SPICE1: variants seen among roughly 807,000 people sequenced by gnomAD.
The protein encoded by SPICE1 is spindle and centriole-associated protein 1.
In SPICE1, 75 loss-of-function variants were observed where a neutral mutation model predicts 102.7. The observed-to-expected ratio is 0.73, with a 90% confidence interval of 0.61 to 0.88. The LOEUF is 0.88. Ranked by LOEUF, SPICE1 falls within the 40% of genes least tolerant of loss-of-function variation. The pLI, the probability that SPICE1 is intolerant of heterozygous loss-of-function variation, is 0.00. For synonymous variants in SPICE1, 308 were observed against 350.3 expected (o/e 0.88, Z 1.35); for missense variants, 979 against 1,020.1 (o/e 0.96, Z 0.55).
chr3:113,491,810 A>T (rs1325267439), intron 6 of SPICE1, among the ~76,000 whole-genome samples: 2 of 152,020 alleles, frequency 1.3e-5, no homozygotes, highest in African/African-American at 4.8e-5. Flanking sequence ...CTGTAAATTG[A>T]GAAAGTACTT....
At chr3:113,463,822 A>G (rs1360210842) in intron 11 of SPICE1, among the ~76,000 whole-genome samples, 5 of 152,228 alleles carry the variant, frequency 3.3e-5, no homozygotes, top group African/African-American at 1.2e-4. Context: ...TAATCCCAAC[A>G]CTTTGGGAGG....
chr3:113,474,529 A>T (rs1157150014), intron 7 of SPICE1, among the ~76,000 whole-genome samples: 1 of 152,056 alleles, frequency 6.6e-6, no homozygotes, highest in Non-Finnish European at 1.5e-5. Context: ...ATTGACCACA[A>T]ACTTGGAAGT....
intron 7 of SPICE1, among the ~76,000 whole-genome samples, chr3:113,473,693 A>G (rs1349809158): frequency 2.6e-5 from 4 of 151,892 alleles, no homozygotes; most frequent in Middle Eastern, 3.4e-3. Flanking sequence ...ACTAAGCTTC[A>G]TAAGTGAAGG....
At chr3:113,455,520 G>A (rs1935760147) in intron 13 of SPICE1, among the ~76,000 whole-genome samples, 2 of 152,180 alleles carry the variant, frequency 1.3e-5, no homozygotes, top group Non-Finnish European at 2.9e-5. Flanking sequence ...GCAGCCAGTG[G>A]CCACCATTCT....
chr3:113,503,017 G>C (rs748889897), intron 3 of SPICE1, among the ~76,000 whole-genome samples, 163 bp downstream of exon 3: 11 of 152,122 alleles, frequency 7.2e-5, no homozygotes, highest in Non-Finnish European at 1.6e-4. Flanking sequence ...GCTCAAATCA[G>C]GAAGTCCAGA....
chr3:113,483,387 T>C (rs931293896), intron 7 of SPICE1, among the ~76,000 whole-genome samples: 2 of 152,232 alleles, frequency 1.3e-5, no homozygotes, highest in South Asian at 2.1e-4. Flanking sequence ...CCTACTTGAA[T>C]GCCCTTTATT....
intron 17 of SPICE1, 89 bp downstream of exon 17, chr3:113,446,500 G>A (rs1254458364): frequency 3.3e-5 from 31 of 943,646 alleles, no homozygotes; most frequent in Non-Finnish European, 4.9e-5. Flanking sequence ...TAGGATAACA[G>A]GAATGATAAT....
At chr3:113,446,518 G>A in intron 17 of SPICE1, 71 bp downstream of exon 17, 1 of 1,050,196 alleles carries the variant, frequency 9.5e-7, no homozygotes, top group Non-Finnish European at 1.5e-6. Context: ...AATTAAGAAT[G>A]GAAATCACTA....
chr3:113,466,742 G>A (rs1278494665), intron 10 of SPICE1, among the ~76,000 whole-genome samples: 2 of 152,132 alleles, frequency 1.3e-5, no homozygotes, highest in African/African-American at 2.4e-5. Context: ...CAATGAATCT[G>A]TCATTAAAAA....
chr3:113,477,102 A>G (rs1240408269), intron 7 of SPICE1, among the ~76,000 whole-genome samples: 2 of 151,994 alleles, frequency 1.3e-5, no homozygotes, highest in African/African-American at 4.8e-5. Flanking sequence ...AAAACAAACA[A>G]CCCCATCAAA....
chr3:113,445,377 C>T lies in SPICE1; in HGVS notation c.2515-17G>A, dbSNP rs202142813. 54 of 1,610,172 alleles carry T rather than the reference C, an allele frequency of 3.4e-5. 1 individual carries two copies. Among genetic ancestry groups the T allele is most frequent in the Admixed American group, 1.8e-4 (11 of 59,738 alleles). ...TTTCTCAATCTGTTGAACAAAGACA[C>T]GGAAAAAATTTAGATGGTAATTAGA... On this transcript the variant is annotated splice_polypyrimidine_tract_variant and intron_variant, in intron 17 of 17. Coordinates refer to ENST00000295872, the MANE Select transcript of SPICE1 (RefSeq NM_144718.4).
chr3:113,502,382 T>C (rs1937025168), intron 3 of SPICE1, among the ~76,000 whole-genome samples: 1 of 152,058 alleles, frequency 6.6e-6, no homozygotes, highest in Non-Finnish European at 1.5e-5. Flanking sequence ...ACAAAGAAGC[T>C]AGACACAAAA....
intron 2 of SPICE1, among the ~76,000 whole-genome samples, chr3:113,504,571 C>CAAAAAAAAAAAAAAAAAAAAAAAAAA (rs71633321): frequency 1.5e-5 from 1 of 67,856 alleles, no homozygotes; most frequent in Non-Finnish European, 2.9e-5. Context: ...GACCTTGTCT[C>CAAAAAAAAAAAAAAAAAAAAAAAAAA]AAAAAAAAAA....
intron 1 of SPICE1, among the ~76,000 whole-genome samples, chr3:113,509,452 A>C (rs1937176783): frequency 6.6e-6 from 1 of 152,228 alleles, no homozygotes; most frequent in African/African-American, 2.4e-5. Flanking sequence ...TAAAAAGTAG[A>C]ATACAGAACT....
At chr3:113,478,536 G>C (rs1171902311) in intron 7 of SPICE1, among the ~76,000 whole-genome samples, 1 of 152,074 alleles carries the variant, frequency 6.6e-6, no homozygotes, top group Non-Finnish European at 1.5e-5. Context: ...TAACACTTAT[G>C]TTCCAAAAAA....
At chr3:113,472,142 G>A (rs1167460849) in intron 7 of SPICE1, among the ~76,000 whole-genome samples, 1 of 152,242 alleles carries the variant, frequency 6.6e-6, no homozygotes, top group Non-Finnish European at 1.5e-5. Context: ...TCCGGCACCT[G>A]GCTCGGAGGG....
intron 7 of SPICE1, among the ~76,000 whole-genome samples, chr3:113,477,770 A>C (rs958178103): frequency 3.4e-5 from 4 of 117,338 alleles, no homozygotes; most frequent in African/African-American, 1.3e-4. Flanking sequence ...GGAACATCAC[A>C]CTCTGGGAAC....
At chr3:113,503,102 G>A in intron 3 of SPICE1, 78 bp downstream of exon 3, 2 of 1,456,106 alleles carry the variant, frequency 1.4e-6, no homozygotes, top group East Asian at 2.3e-5. Context: ...AGTGCCTATA[G>A]TTTCTATTCT....
At chr3:113,491,646 A>AAAAAT (rs1559972346) in intron 6 of SPICE1, among the ~76,000 whole-genome samples, 4 of 150,386 alleles carry the variant, frequency 2.7e-5, no homozygotes, top group African/African-American at 9.9e-5. Flanking sequence ...AAAAAAAAAA[A>AAAAAT]AAAGATTATC....
Sources: gnomAD v4.1 joint callset for allele counts (sites outside exome capture counted in the v4.1 genomes callset) on GRCh38, gnomAD v4.1.1 for gene constraint, MANE v1.5 for transcripts, NCBI Gene and HGNC (gene_info 2026-07-23, HGNC 2026-07-21) for gene names.